Variants in HERC1 observed in about 807,000 individuals in gnomAD.
HERC1 encodes HECT and RLD domain containing E3 ubiquitin protein ligase family member 1, also known as probable E3 ubiquitin-protein ligase HERC1.
HERC1 carries 160 observed loss-of-function variants against 554.3 expected under a neutral mutation model. The ratio of observed to expected loss-of-function variants is 0.29; its 90% CI spans 0.25 to 0.33. HERC1 has a LOEUF of 0.33. Among genes scored for constraint, HERC1 ranks in the 10% least tolerant of loss-of-function variants. The probability of loss-of-function intolerance (pLI) is 1.00; values close to 1 mark genes in which losing one functional copy is unlikely to be tolerated. For synonymous variants in HERC1, 2,175 were observed against 2,131.7 expected (o/e 1.02, Z -0.56); for missense variants, 4,919 against 5,918.5 (o/e 0.83, Z 5.54).
chr15:63,612,517 C>A lies in HERC1; in HGVS notation c.14134G>T (p.Val4712Leu), dbSNP rs778054905. 1 of 1,614,026 alleles carries A rather than the reference C, an allele frequency of 6.2e-7. No homozygotes were observed. The highest frequency in any genetic ancestry group is 8.5e-7 in the Non-Finnish European group (1 of 1,179,878). The change falls in exon 77 of 78, where the codon GTG becomes TTG. Residue 4712 changes from valine to leucine, a missense_variant. Physicochemically the swap from Val to Leu is conservative, Grantham distance 32. This residue lies in a region of HERC1 where 284 missense variants were observed against 294.1 expected (regional missense o/e 0.97). Coordinates refer to ENST00000443617, the MANE Select transcript of HERC1 (RefSeq NM_003922.4). This position sits in a 1 kb window ranked among gnomAD's most constrained non-coding sequence, Gnocchi z 5.0. ...VREGMSWIVP[V>L]PLLSLLTAKQ... Reference sequence around the variant, plus strand: ...GCTGTGAGGAGGGACAGCAGCGGCACAGGAACAATCCAGGACATCCCTTCT... The same window carrying A: ...GCTGTGAGGAGGGACAGCAGCGGCAAAGGAACAATCCAGGACATCCCTTCT...
intron 14 of HERC1, among the ~76,000 whole-genome samples, chr15:63,730,900 T>A (rs2074262631): frequency 6.6e-6 from 1 of 152,188 alleles, no homozygotes; most frequent in South Asian, 2.1e-4. Flanking sequence ...TTAGAAAATA[T>A]CAAAACTCTA....
At chr15:63,771,888 G>A (rs976294181) in intron 2 of HERC1, among the ~76,000 whole-genome samples, 3 of 151,872 alleles carry the variant, frequency 2.0e-5, no homozygotes, top group African/African-American at 7.3e-5. Flanking sequence ...TGGAAATCCA[G>A]CAGTTAAAAA....
chr15:63,727,950 T>A lies in HERC1; in HGVS notation c.3155-112A>T, dbSNP rs1438793415. ...AACTAGAGTAGACTCATTCAACAAC[T>A]CTCTGTTGAACACCTACCTGGTAGC... On this transcript the variant is annotated intron_variant, in intron 16 of 77. Transcript: ENST00000443617. This position sits in a 1 kb window ranked among gnomAD's most constrained non-coding sequence, Gnocchi z 4.3. 1 of 773,872 alleles carries A rather than the reference T, an allele frequency of 1.3e-6. No individual in the cohort carries two copies. The highest frequency in any genetic ancestry group is 2.8e-5 in the Admixed American group (1 of 36,148). The allele number at this position is 773,872 out of a possible 1,614,324, so 47.9% of individuals were successfully genotyped here.
chr15:63,781,970 A>G (rs1039921253), intron 1 of HERC1, among the ~76,000 whole-genome samples: 5 of 152,226 alleles, frequency 3.3e-5, no homozygotes, highest in Non-Finnish European at 5.9e-5. Context: ...CCTCTCTTCA[A>G]TTCTATGAAG....
At chr15:63,764,884 C>A (rs1357971111) in intron 2 of HERC1, among the ~76,000 whole-genome samples, 1 of 152,182 alleles carries the variant, frequency 6.6e-6, no homozygotes, top group Non-Finnish European at 1.5e-5. Flanking sequence ...ATCAAGCATG[C>A]ACATTAAGAG....
At chr15:63,628,615 C>T (rs2068410909) in intron 70 of HERC1, 62 bp downstream of exon 70, 1 of 1,493,308 alleles carries the variant, frequency 6.7e-7, no homozygotes, top group Non-Finnish European at 9.0e-7. Context: ...GGCAAGCAGA[C>T]AGTGCCATGG....
chr15:63,775,393 G>T lies in HERC1; in HGVS notation c.231C>A (p.His77Gln). ...RESLSSDEQD[H>Q]YLDALLSSQL... ...GGCTGCTAAGAAGGGCATCCAAATA[G>T]TGGTCCTGCTCATCACTTGAAAGAG... Residue 77 changes from histidine to glutamine, a missense_variant, in exon 2 of 78, where the codon CAC (histidine) becomes CAA (glutamine). Physicochemically the swap from His to Gln is conservative, Grantham distance 24. Transcript: ENST00000443617. The surrounding 1 kb of genome is among the most constrained non-coding windows in gnomAD (Gnocchi z 4.0). 1 of 1,613,980 alleles carries T rather than the reference G, an allele frequency of 6.2e-7. No individual in the cohort carries two copies. The highest frequency in any genetic ancestry group is 8.5e-7 in the Non-Finnish European group (1 of 1,179,850).
chr15:63,748,978 T>A (rs1185624103), intron 10 of HERC1, among the ~76,000 whole-genome samples: 3 of 150,326 alleles, frequency 2.0e-5, no homozygotes, highest in Non-Finnish European at 3.0e-5. Flanking sequence ...AAAAAAAAAT[T>A]CAAAAACCAA....
chr15:63,730,301 T>C (rs1395498254), intron 14 of HERC1, among the ~76,000 whole-genome samples: 1 of 151,878 alleles, frequency 6.6e-6, no homozygotes, highest in East Asian at 1.9e-4. Flanking sequence ...AAAAAATTTT[T>C]TTTTTTAATT....
rs762153196 is a variant in HERC1, at chr15:63,694,708, A to G, written c.5242+66T>C. On this transcript the variant is annotated intron_variant, in intron 28 of 77. Coordinates refer to ENST00000443617, the MANE Select transcript of HERC1 (RefSeq NM_003922.4). The surrounding 1 kb of genome is among the most constrained non-coding windows in gnomAD (Gnocchi z 4.3). ...TGTTAAACACAAAATATAGAACATA[A>G]CTAGTACCATAACCTCGGGCTAAAA... The G allele has an allele frequency of 1.1e-5, 17 of 1,596,272 alleles. No individual in the cohort carries two copies. Among genetic ancestry groups the G allele is most frequent in the African/African-American group, 2.7e-5 (2 of 74,544 alleles).
intron 1 of HERC1, among the ~76,000 whole-genome samples, chr15:63,776,425 C>G (rs77066856): frequency 0.031 from 4,701 of 152,242 alleles, 234 homozygotes; most frequent in African/African-American, 0.11. Flanking sequence ...GAATGGAACA[C>G]CCACTTTGGA....
intron 55 of HERC1, among the ~76,000 whole-genome samples, chr15:63,647,025 C>T (rs370682923): frequency 1.3e-5 from 2 of 152,106 alleles, no homozygotes; most frequent in East Asian, 3.9e-4. Flanking sequence ...GAGGCTGAGG[C>T]AGGTGGATCA....
Position 63,756,340 on chromosome 15 carries a change from G to T in HERC1, c.1533+97C>A. 2 of 981,730 alleles carry T rather than the reference G, an allele frequency of 2.0e-6. No individual in the cohort carries two copies. The highest frequency in any genetic ancestry group is 3.1e-6 in the Non-Finnish European group (2 of 644,516). 60.8% of individuals were successfully genotyped at this position (981,730 alleles called of 1,614,324 possible). ...AAAGATTAAGCCAAAGGGTTGAAGGGGCAACTGCAGAAAGAACACATCAAA... is the reference window on the plus strand; with the variant it reads ...AAAGATTAAGCCAAAGGGTTGAAGGTGCAACTGCAGAAAGAACACATCAAA... On this transcript the variant is annotated intron_variant, in intron 5 of 77. Transcript: ENST00000443617. This position sits in a 1 kb window ranked among gnomAD's most constrained non-coding sequence, Gnocchi z 5.0.
chr15:63,610,498 T>A (rs528274727), intron 77 of HERC1, among the ~76,000 whole-genome samples: 1 of 151,758 alleles, frequency 6.6e-6, no homozygotes, highest in Non-Finnish European at 1.5e-5. Context: ...AAGGCAAGGG[T>A]TGTTTCCAGA....
chr15:63,792,748 G>A (rs1022884983), intron 1 of HERC1, among the ~76,000 whole-genome samples: 6 of 152,158 alleles, frequency 3.9e-5, no homozygotes, highest in Non-Finnish European at 8.8e-5. Context: ...TGCAGCAGAC[G>A]CTAGCTGGGT....
In HERC1 at chr15:63,677,999, C is replaced by A; in HGVS notation, c.6916G>T (p.Val2306Leu). Residue 2306 changes from valine (V) to leucine (L), a missense_variant, in exon 37 of 78, where the codon GTG becomes TTG. Val to Leu is a conservative substitution (Grantham distance 32). Coordinates refer to ENST00000443617, the MANE Select transcript of HERC1 (RefSeq NM_003922.4). The surrounding 1 kb of genome is among the most constrained non-coding windows in gnomAD (Gnocchi z 4.4). ...LRTLCIEVWP[V>L]LAVIGGVDAG... ...TCAACTCCTCCTATCACAGCCAGCA[C>A]GGGCCACACCTCTATGCAAAGAGTC... 2 of 1,614,006 alleles carry A rather than the reference C, an allele frequency of 1.2e-6. No individual in the cohort carries two copies. Among genetic ancestry groups the A allele is most frequent in the Non-Finnish European group, 1.7e-6 (2 of 1,179,884 alleles).
At chr15:63,772,939 A>C (rs1462446286) in intron 2 of HERC1, among the ~76,000 whole-genome samples, 1 of 152,238 alleles carries the variant, frequency 6.6e-6, no homozygotes. Flanking sequence ...TCATAAATGC[A>C]AAAAGTAGGT....
intron 62 of HERC1, 66 bp from the exon 63 acceptor site, chr15:63,638,602 C>T: frequency 6.2e-7 from 1 of 1,608,850 alleles, no homozygotes; most frequent in African/African-American, 1.3e-5. Flanking sequence ...GTACTACGTA[C>T]CAAGTGTGTG....
intron 27 of HERC1, 79 bp downstream of exon 27, chr15:63,696,045 C>G: frequency 9.5e-7 from 1 of 1,055,580 alleles, no homozygotes; most frequent in South Asian, 1.4e-5. Flanking sequence ...GAATCATAAA[C>G]ACCAAAAAGT....
Sources: allele counts gnomAD v4.1 joint callset (sites outside exome capture counted in the v4.1 genomes callset), GRCh38; gene constraint gnomAD v4.1.1; regional missense constraint gnomAD v4.1.1; non-coding constraint Gnocchi (gnomAD v3.1); transcripts MANE v1.5; gene names NCBI Gene and HGNC (gene_info 2026-07-23, HGNC 2026-07-21).